KIF26A: variants seen among roughly 807,000 people sequenced by gnomAD.
The protein encoded by KIF26A is kinesin-like protein KIF26A.
KIF26A carries 74 observed loss-of-function variants against 126.0 expected under a neutral mutation model. That is an observed-to-expected ratio of 0.59 (90% CI 0.49 to 0.71). The LOEUF (loss-of-function observed/expected upper bound fraction) is 0.71. KIF26A is among the 30% of genes least tolerant of loss of function. The pLI is 0.00. For synonymous variants in KIF26A, 1,445 were observed against 1,232.7 expected (o/e 1.17, Z -3.61); for missense variants, 2,984 against 2,763.3 (o/e 1.08, Z -1.79).
chr14:104,161,386 C>A (rs531788120), intron 4 of KIF26A, among the ~76,000 whole-genome samples: 46 of 152,342 alleles, frequency 3.0e-4, no homozygotes, highest in South Asian at 1.9e-3. Context: ...ATAAGTGATT[C>A]CTGCACGCGA....
intron 5 of KIF26A, among the ~76,000 whole-genome samples, chr14:104,170,297 G>A (rs1330327901): frequency 6.6e-6 from 1 of 152,166 alleles, no homozygotes; most frequent in Admixed American, 6.5e-5. Context: ...TCACGTCGTC[G>A]GGGGAATAAA....
At position 104,139,283 on chromosome 14, in the gene KIF26A, C is replaced by T. The variant is rs1179228948; in HGVS notation, c.283C>T (p.Leu95Phe). The T allele has an allele frequency of 6.6e-7, 1 of 1,507,272 alleles. No individual in the cohort carries two copies. Among genetic ancestry groups the T allele is most frequent in the South Asian group, 1.3e-5 (1 of 77,308 alleles). The allele number at this position is 1,507,272 out of a possible 1,614,324, so 93.4% of individuals were successfully genotyped here. The stretch of plus-strand genomic sequence containing the variant: ...GCTGGTCAGCGGGCCCGGGACCACC[C>T]TCCGGGTAAGTGACACTTCCTTAGG... Reference protein sequence around the residue: ...WKLVSGPGTTLRDPCLSALLL... With the variant: ...WKLVSGPGTTFRDPCLSALLL... The change falls in exon 2 of 15, where the codon CTC becomes TTC. Residue 95 changes from leucine to phenylalanine, a missense_variant. Transcript: ENST00000423312.
chr14:104,145,401 G>A (rs2037671557), intron 2 of KIF26A, among the ~76,000 whole-genome samples: 1 of 151,704 alleles, frequency 6.6e-6, no homozygotes, highest in Admixed American at 6.6e-5. Flanking sequence ...GACCCCAGCA[G>A]CATCCCAGGC....
Position 104,176,191 on chromosome 14 carries a change from C to G in KIF26A, c.3403C>G (p.Pro1135Ala), listed in dbSNP as rs1468099020. 11 of 1,599,322 alleles carry G rather than the reference C, an allele frequency of 6.9e-6. No homozygotes were observed. Among genetic ancestry groups the G allele is most frequent in the African/African-American group, 1.3e-5 (1 of 74,640 alleles). ...CCCCACGCCGCAGCCCCGCTTCAGC[C>G]CCGACTCGCTGGCAGGGCTTGACCC... Reference protein sequence around the residue: ...RDPTPQPRFSPDSLAGLDPGG... With the variant: ...RDPTPQPRFSADSLAGLDPGG... Residue 1135 changes from proline to alanine, a missense_variant, in exon 12 of 15, where the codon CCC becomes GCC. Pro to Ala is a conservative substitution (Grantham distance 27). Transcript: ENST00000423312.
chr14:104,138,626 C>A lies in KIF26A; in HGVS notation c.-97C>A. ...CGAACTTCCGAGCGGCTGGGCCGGG[C>A]CATGGGGGCGCCTCGGGGCCGGATC... is the stretch of plus-strand genomic sequence containing the variant. On this transcript the variant is annotated 5_prime_UTR_variant, in exon 1 of 15. Coordinates refer to ENST00000423312, the MANE Select transcript of KIF26A (RefSeq NM_015656.2). 2 of 986,718 alleles carry A rather than the reference C, an allele frequency of 2.0e-6. No individual in the cohort carries two copies. Among genetic ancestry groups the A allele is most frequent in the Non-Finnish European group, 2.6e-6 (2 of 774,422 alleles). The allele number at this position is 986,718 out of a possible 1,614,324, so 61.1% of individuals were successfully genotyped here. A position where few individuals can be genotyped will look rare whatever the true frequency, so the allele number is the denominator to read the frequency against.
chr14:104,171,631 C>T, intron 5 of KIF26A, 92 bp from the exon 6 acceptor site: 1 of 1,124,418 alleles, frequency 8.9e-7, no homozygotes, highest in Non-Finnish European at 1.3e-6. Flanking sequence ...GCCTGGCCCG[C>T]TGTCCCCACC....
At chr14:104,165,424 C>CGTGTGT (rs1227300906) in intron 4 of KIF26A, among the ~76,000 whole-genome samples, 2 of 125,814 alleles carry the variant, frequency 1.6e-5, no homozygotes, top group African/African-American at 6.8e-5. Flanking sequence ...TCTCTGTATG[C>CGTGTGT]GTGTGTGTCT....
chr14:104,157,652 T>C, intron 3 of KIF26A, 103 bp from the exon 4 acceptor site: 1 of 1,261,500 alleles, frequency 7.9e-7, no homozygotes, highest in South Asian at 1.5e-5. Flanking sequence ...AGGAATGTGC[T>C]GGGCTCTGGG....
chr14:104,155,671 C>T (rs749619376), intron 3 of KIF26A, among the ~76,000 whole-genome samples: 5 of 152,354 alleles, frequency 3.3e-5, no homozygotes, highest in East Asian at 3.9e-4. Context: ...GTGGCCGTCC[C>T]GGCGGATGGG....
intron 10 of KIF26A, 82 bp downstream of exon 10, chr14:104,173,950 G>A: frequency 6.8e-7 from 1 of 1,475,440 alleles, no homozygotes; most frequent in Non-Finnish European, 9.0e-7. Context: ...GCCCGGTGCT[G>A]CTGTGGCCCC....
intron 2 of KIF26A, among the ~76,000 whole-genome samples, chr14:104,143,898 C>G (rs370956279): frequency 6.6e-6 from 1 of 152,188 alleles, no homozygotes; most frequent in Admixed American, 6.5e-5. Flanking sequence ...TGAGGGGGCA[C>G]GGCTCCCTGG....
chr14:104,169,915 C>T (rs374998756), intron 5 of KIF26A, among the ~76,000 whole-genome samples: 1 of 152,184 alleles, frequency 6.6e-6, no homozygotes, highest in East Asian at 1.9e-4. Flanking sequence ...GCAGTAATGA[C>T]AGGGTTCTCT....
intron 4 of KIF26A, among the ~76,000 whole-genome samples, chr14:104,159,276 C>T (rs1018785667): frequency 1.3e-5 from 2 of 152,352 alleles, no homozygotes; most frequent in Non-Finnish European, 2.9e-5. Flanking sequence ...CCGTCACAAC[C>T]GGCCTAGTCC....
At chr14:104,166,234 G>A (rs576819726) in intron 4 of KIF26A, among the ~76,000 whole-genome samples, 23 of 152,228 alleles carry the variant, frequency 1.5e-4, no homozygotes, top group Admixed American at 2.6e-4. Flanking sequence ...CTTGGTGATC[G>A]GCAAGGGGCA....
Position 104,152,161 on chromosome 14 carries a change from C to G in KIF26A, c.435C>G (p.Ala145=). Reference sequence around the variant, plus strand: ...GGGAGGCCATGCACCTGCTGCAGGCCCCTGCCAGCCATGAGGACCTTGACG... The same window carrying G: ...GGGAGGCCATGCACCTGCTGCAGGCGCCTGCCAGCCATGAGGACCTTGACG... ...LTREAMHLLQ[A]PASHEDLDAP... is the part of the protein sequence containing the mutation. Residue 145 remains alanine, a synonymous_variant, in exon 3 of 15, where the codon GCC becomes GCG. Coordinates refer to ENST00000423312, the MANE Select transcript of KIF26A (RefSeq NM_015656.2). The surrounding 1 kb of genome is among the most constrained non-coding windows in gnomAD (Gnocchi z 5.9). 7 of 1,609,978 alleles carry G rather than the reference C, an allele frequency of 4.3e-6. No homozygotes were observed. Among genetic ancestry groups the G allele is most frequent in the Admixed American group, 1.7e-5 (1 of 59,740 alleles).
rs7157156 is a variant in KIF26A, at chr14:104,179,654, C to A, written c.5513C>A (p.Ala1838Glu). 6.5e-7 allele frequency: 1 copy of A among 1,545,508 alleles called. No individual in the cohort carries two copies. Among genetic ancestry groups the A allele is most frequent in the Non-Finnish European group, 8.7e-7 (1 of 1,144,526 alleles). Reference sequence around the variant, plus strand: ...GAGCCCGAGTCGGCCGAGTACCTGGCGGCCCTGGAGCGAGCCACGGCGGCC... The same window carrying A: ...GAGCCCGAGTCGGCCGAGTACCTGGAGGCCCTGGAGCGAGCCACGGCGGCC... Reference protein sequence around the residue: ...ELEPESAEYLAALERATAALE... With the variant: ...ELEPESAEYLEALERATAALE... The change falls in exon 15 of 15, where the codon GCG (alanine) becomes GAG (glutamate). Residue 1838 changes from alanine to glutamate, a missense_variant. Coordinates refer to ENST00000423312, the MANE Select transcript of KIF26A (RefSeq NM_015656.2).
chr14:104,138,854 C>T (rs1379688317), intron 1 of KIF26A, 90 bp downstream of exon 1: 21 of 1,259,340 alleles, frequency 1.7e-5, no homozygotes, highest in Non-Finnish European at 2.1e-5. Context: ...CCCTGGGGGC[C>T]GGGCCTCCTG....
In KIF26A at chr14:104,175,276, C is replaced by G. The variant is rs200750213; in HGVS notation, c.2488C>G (p.Pro830Ala). 10 of 1,605,228 alleles carry G rather than the reference C, an allele frequency of 6.2e-6. No homozygotes were observed. Among genetic ancestry groups the G allele is most frequent in the Non-Finnish European group, 7.6e-6 (9 of 1,179,422 alleles). The change falls in exon 12 of 15, where the codon CCC becomes GCC. Residue 830 changes from proline (P) to alanine (A), a missense_variant. Physicochemically the swap from Pro to Ala is conservative, Grantham distance 27. Coordinates refer to ENST00000423312, the MANE Select transcript of KIF26A (RefSeq NM_015656.2). ...GAGCCGCCACCGGCCCTCCAAGGGT[C>G]CCCGAGACGCAGACCACTTCCGCTG... ...ALSRHRPSKG[P>A]RDADHFRCST...
At position 104,167,048 on chromosome 14, in the gene KIF26A, G is replaced by A; in HGVS notation, c.1113G>A (p.Lys371=). Residue 371 remains lysine (K), a splice_region_variant and synonymous_variant, in exon 5 of 15, where the codon AAG becomes AAA. Coordinates refer to ENST00000423312, the MANE Select transcript of KIF26A (RefSeq NM_015656.2). ...KTKDNPGSIG[K]VKVMLRIWPA... is the part of the protein sequence containing the mutation. Reference sequence around the variant, plus strand: ...AGGACAACCCTGGCAGCATCGGGAAGGTAGACGCAGCCCCGAGTTCGGGGC... The same window carrying A: ...AGGACAACCCTGGCAGCATCGGGAAAGTAGACGCAGCCCCGAGTTCGGGGC... 1 of 1,542,406 alleles carries A rather than the reference G, an allele frequency of 6.5e-7. No homozygotes were observed. Among genetic ancestry groups the A allele is most frequent in the Non-Finnish European group, 8.8e-7 (1 of 1,142,652 alleles).
Sources: allele counts gnomAD v4.1 joint callset (sites outside exome capture counted in the v4.1 genomes callset), GRCh38; gene constraint gnomAD v4.1.1; non-coding constraint Gnocchi (gnomAD v3.1); transcripts MANE v1.5; gene names NCBI Gene and HGNC (gene_info 2026-07-23, HGNC 2026-07-21).